Variants in EEFSEC observed in about 807,000 individuals in gnomAD.
EEFSEC encodes selenocysteine-specific elongation factor.
In EEFSEC, 43 loss-of-function variants were observed where a neutral mutation model predicts 42.1. The ratio of observed to expected loss-of-function variants is 1.02; its 90% CI spans 0.80 to 1.32. EEFSEC has a LOEUF of 1.32. Ranked by LOEUF, EEFSEC falls within the 40% of genes most tolerant of loss-of-function variation. The probability of loss-of-function intolerance (pLI) is 0.00; values close to 1 mark genes in which losing one functional copy is unlikely to be tolerated. For missense variants in EEFSEC, 745 were observed against 803.6 expected (o/e 0.93, Z 0.88); for synonymous variants, 354 against 339.1 (o/e 1.04, Z -0.48).
At chr3:128,258,225 G>T (rs2066262447) in intron 2 of EEFSEC, among the ~76,000 whole-genome samples, 3 of 152,112 alleles carry the variant, frequency 2.0e-5, no homozygotes, top group Non-Finnish European at 4.4e-5. Flanking sequence ...GGCTGGCACT[G>T]GGCTCAATCT....
At chr3:128,354,466 C>T (rs2067427854) in intron 5 of EEFSEC, among the ~76,000 whole-genome samples, 1 of 152,178 alleles carries the variant, frequency 6.6e-6, no homozygotes, top group African/African-American at 2.4e-5. Context: ...CGAGCTGCAC[C>T]ACACACCAGC....
chr3:128,369,404 T>C (rs1221752368), intron 6 of EEFSEC, among the ~76,000 whole-genome samples: 1 of 152,206 alleles, frequency 6.6e-6, no homozygotes, highest in Non-Finnish European at 1.5e-5. Context: ...TCTCCAACCA[T>C]CCAGCTGCTC....
At chr3:128,330,363 G>A (rs2067113187) in intron 4 of EEFSEC, among the ~76,000 whole-genome samples, 1 of 152,170 alleles carries the variant, frequency 6.6e-6, no homozygotes, top group Admixed American at 6.5e-5. Context: ...CATGTGGCAG[G>A]CACTGTGCTG....
intron 6 of EEFSEC, among the ~76,000 whole-genome samples, chr3:128,381,552 G>A (rs1038178999): frequency 1.3e-5 from 2 of 152,224 alleles, no homozygotes; most frequent in Non-Finnish European, 2.9e-5. Flanking sequence ...CCCCAGATCT[G>A]TACATTCATG....
intron 4 of EEFSEC, among the ~76,000 whole-genome samples, chr3:128,297,275 C>T (rs558073075): frequency 6.6e-6 from 1 of 151,992 alleles, no homozygotes; most frequent in Non-Finnish European, 1.5e-5. Context: ...GAAGTCTAGC[C>T]GAGGATTTAT....
intron 1 of EEFSEC, among the ~76,000 whole-genome samples, chr3:128,218,366 C>T (rs1405269667): frequency 6.6e-6 from 1 of 152,194 alleles, no homozygotes; most frequent in Non-Finnish European, 1.5e-5. Flanking sequence ...ATAATCAGCT[C>T]TATATCTTAA....
intron 5 of EEFSEC, among the ~76,000 whole-genome samples, chr3:128,349,011 C>T (rs2067349989): frequency 6.6e-6 from 1 of 152,202 alleles, no homozygotes; most frequent in African/African-American, 2.4e-5. Flanking sequence ...AAATGGTGAC[C>T]TTTTAAGTGT....
intron 4 of EEFSEC, among the ~76,000 whole-genome samples, chr3:128,328,369 C>G (rs1038912242): frequency 6.6e-6 from 1 of 152,136 alleles, no homozygotes; most frequent in Non-Finnish European, 1.5e-5. Context: ...AAGCCACATG[C>G]GCCGTCCAGA....
chr3:128,330,682 C>T (rs560600357), intron 4 of EEFSEC, among the ~76,000 whole-genome samples: 5 of 152,180 alleles, frequency 3.3e-5, no homozygotes, highest in East Asian at 1.9e-4. Context: ...GCCTTACTGA[C>T]GCTTGGGAAT....
chr3:128,268,199 C>T (rs1256409807), intron 4 of EEFSEC, among the ~76,000 whole-genome samples: 1 of 152,152 alleles, frequency 6.6e-6, no homozygotes, highest in Non-Finnish European at 1.5e-5. Context: ...TCCACCGTCT[C>T]CCTTTTGGAA....
chr3:128,346,960 G>A (rs1370592896), intron 5 of EEFSEC, among the ~76,000 whole-genome samples: 1 of 152,208 alleles, frequency 6.6e-6, no homozygotes, highest in Non-Finnish European at 1.5e-5. Context: ...GTATCAGGAA[G>A]AATTTGACCC....
chr3:128,338,535 G>A (rs2067215818), intron 4 of EEFSEC, among the ~76,000 whole-genome samples: 1 of 152,182 alleles, frequency 6.6e-6, no homozygotes, highest in East Asian at 1.9e-4. Flanking sequence ...GTCCATGGGA[G>A]CAGGGGTTAG....
In EEFSEC at chr3:128,293,679, A is replaced by AC. The variant is rs1553752140; in HGVS notation, c.786+28898_786+28899insC. Among the ~76,000 whole-genome samples, 15 of 133,452 alleles carry AC rather than the reference A, an allele frequency of 1.1e-4. 1 individual carries two copies. Among genetic ancestry groups the AC allele is most frequent in the African/African-American group, 1.7e-4 (6 of 34,754 alleles). The allele number at this position is 133,452 out of a possible 152,430, so 87.5% of individuals were successfully genotyped here. A position where few individuals can be genotyped will look rare whatever the true frequency, so the allele number is the denominator to read the frequency against. ...CTATCTCAAAAAAAAAAAAAAAAAA[A>AC]AAAAAAAACTTCCCTTATAGGATCA... On this transcript the variant is annotated intron_variant, in intron 4 of 6. Transcript: ENST00000254730.
chr3:128,299,604 A>G (rs2811388), intron 4 of EEFSEC, among the ~76,000 whole-genome samples: 125,685 of 152,010 alleles, frequency 0.83, 52,692 homozygotes, highest in East Asian at 0.99. Context: ...TTTGATGTCC[A>G]TGACCACCTG....
At chr3:128,225,149 G>A (rs1275768313) in intron 1 of EEFSEC, among the ~76,000 whole-genome samples, 1 of 152,252 alleles carries the variant, frequency 6.6e-6, no homozygotes, top group Admixed American at 6.5e-5. Flanking sequence ...GGAAGACAGG[G>A]CTGGATGCCA....
chr3:128,299,931 T>C (rs1228076806), intron 4 of EEFSEC, among the ~76,000 whole-genome samples: 1 of 152,226 alleles, frequency 6.6e-6, no homozygotes, highest in Admixed American at 6.5e-5. Flanking sequence ...TTCCTGTGTG[T>C]CCTGATTGTG....
the EEFSEC span, among the ~76,000 whole-genome samples, chr3:128,414,028 G>C: frequency 6.6e-6 from 1 of 152,212 alleles, no homozygotes; most frequent in African/African-American, 2.4e-5. Flanking sequence ...CTCCAGCTCC[G>C]ACCCGCCTGT....
At chr3:128,351,086 G>C (rs1278857932) in intron 5 of EEFSEC, among the ~76,000 whole-genome samples, 1 of 152,138 alleles carries the variant, frequency 6.6e-6, no homozygotes, top group Non-Finnish European at 1.5e-5. Flanking sequence ...GCTGGCTTCT[G>C]TCCTCCGAGA....
chr3:128,153,600 C>G lies in EEFSEC; in HGVS notation c.93C>G (p.Ala31=). ...TALARALSTT[A]STAAFDKQPQ... is the part of the protein sequence containing the mutation. Reference sequence around the variant, plus strand: ...TGGCGCGGGCGCTAAGCACCACAGCCTCCACCGCCGCCTTTGACAAGCAGC... The same window carrying G: ...TGGCGCGGGCGCTAAGCACCACAGCGTCCACCGCCGCCTTTGACAAGCAGC... Residue 31 remains alanine (A), a synonymous_variant, in exon 1 of 7, where the codon GCC becomes GCG. Transcript: ENST00000254730. 1 of 1,591,266 alleles carries G rather than the reference C, an allele frequency of 6.3e-7. No homozygotes were observed. The highest frequency in any genetic ancestry group is 8.5e-7 in the Non-Finnish European group (1 of 1,174,896).
Sources: gnomAD v4.1 joint callset for allele counts (sites outside exome capture counted in the v4.1 genomes callset) on GRCh38, gnomAD v4.1.1 for gene constraint, MANE v1.5 for transcripts, NCBI Gene and HGNC (gene_info 2026-07-23, HGNC 2026-07-21) for gene names.